The following CAMK2D variants were observed in gnomAD, a reference collection of about 807,000 sequenced individuals.
The protein encoded by CAMK2D is calcium/calmodulin-dependent protein kinase type II subunit delta.
In CAMK2D, 37 loss-of-function variants were observed where a neutral mutation model predicts 84.0. That is an observed-to-expected ratio of 0.44 (90% confidence interval 0.34 to 0.58). CAMK2D has a LOEUF of 0.58. Among genes scored for constraint, CAMK2D ranks in the 20% least tolerant of loss-of-function variants. CAMK2D has a pLI of 0.02. For missense variants in CAMK2D, 448 were observed against 652.5 expected, an observed-to-expected ratio of 0.69 and a Z score of 3.41; for synonymous variants, 202 against 212.5, an observed-to-expected ratio of 0.95 and a Z score of 0.43.
intron 8 of CAMK2D, among the ~76,000 whole-genome samples, chr4:113,518,774 G>C (rs1311018779): frequency 1.3e-5 from 2 of 152,086 alleles, no homozygotes; most frequent in Non-Finnish European, 2.9e-5. Context: ...ATCTATCCCT[G>C]CTCCTGTCCA....
At chr4:113,535,453 T>C (rs898848551) in intron 7 of CAMK2D, among the ~76,000 whole-genome samples, 3 of 152,162 alleles carry the variant, frequency 2.0e-5, no homozygotes, top group East Asian at 1.9e-4. Flanking sequence ...CTTCTATACT[T>C]CTACTGGAAT....
intron 3 of CAMK2D, among the ~76,000 whole-genome samples, chr4:113,656,836 T>A (rs2099203013): frequency 6.6e-6 from 1 of 152,130 alleles, no homozygotes; most frequent in Non-Finnish European, 1.5e-5. Context: ...ACCAAGACTC[T>A]CTCCCTAACC....
intron 3 of CAMK2D, among the ~76,000 whole-genome samples, chr4:113,610,428 T>C (rs986230731): frequency 6.6e-6 from 1 of 152,204 alleles, no homozygotes; most frequent in Admixed American, 6.5e-5. Flanking sequence ...AATGTGAATT[T>C]ATAAGAACAT....
chr4:113,745,189 G>A (rs943578991), intron 2 of CAMK2D, among the ~76,000 whole-genome samples: 4 of 152,118 alleles, frequency 2.6e-5, no homozygotes, highest in African/African-American at 9.7e-5. Context: ...CTACCTTTAC[G>A]TGTTTTTAAC....
At chr4:113,457,079 AGATTTT>A (rs1459152020) in intron 19 of CAMK2D, 2 of 750,264 alleles carry the variant, frequency 2.7e-6, no homozygotes, top group East Asian at 7.4e-5. Flanking sequence ...TAACCCTGTG[AGATTTT>A]GATCACGTAG....
rs775220710 is a variant in CAMK2D at position 113,460,259 on chromosome 4, T to C, written c.1212-18A>G. On this transcript the variant is annotated intron_variant, in intron 17 of 20. Coordinates refer to ENST00000511664, the MANE Select transcript of CAMK2D (RefSeq NM_001321571.2). ...AGATTTTTCTGTAAAAGAAAAATAA[T>C]GAAAACAACCAATTAATAGGTGCTT... 7.3e-7 allele frequency: 1 copy of C among 1,361,914 alleles called. No homozygotes were observed. The highest frequency in any genetic ancestry group is 1.0e-6 in the Non-Finnish European group (1 of 955,622). The allele number at this position is 1,361,914 out of a possible 1,614,324, so 84.4% of individuals were successfully genotyped here.
chr4:113,581,981 TTC>T (rs1334580736), intron 4 of CAMK2D, among the ~76,000 whole-genome samples: 1 of 152,178 alleles, frequency 6.6e-6, no homozygotes, highest in Non-Finnish European at 1.5e-5. Flanking sequence ...GGCTCAATGA[TTC>T]TCTGTCTGCC....
chr4:113,596,882 T>C (rs182729380), intron 4 of CAMK2D, among the ~76,000 whole-genome samples: 5 of 151,704 alleles, frequency 3.3e-5, no homozygotes, highest in Admixed American at 3.3e-4. Flanking sequence ...TGCAGTGGCA[T>C]GATCTCAGCT....
At chr4:113,735,364 A>G (rs2148843081) in intron 2 of CAMK2D, among the ~76,000 whole-genome samples, 1 of 148,106 alleles carries the variant, frequency 6.8e-6, no homozygotes, top group East Asian at 2.0e-4. Context: ...GGTCACAGCT[A>G]CTTGGGAGGC....
At chr4:113,659,934 G>C (rs927619044) in intron 3 of CAMK2D, among the ~76,000 whole-genome samples, 5 of 152,094 alleles carry the variant, frequency 3.3e-5, no homozygotes, top group Admixed American at 2.0e-4. Flanking sequence ...TGATATAGGT[G>C]AATTTGCCAG....
At chr4:113,542,865 T>C (rs1262319800) in intron 6 of CAMK2D, among the ~76,000 whole-genome samples, 3 of 152,152 alleles carry the variant, frequency 2.0e-5, no homozygotes, top group Non-Finnish European at 4.4e-5. Context: ...TTAAAATCTC[T>C]CTCTTTCTCT....
chr4:113,519,109 A>G (rs1240693885), intron 8 of CAMK2D, among the ~76,000 whole-genome samples: 2 of 152,172 alleles, frequency 1.3e-5, no homozygotes, highest in East Asian at 3.8e-4. Flanking sequence ...AAGTAGAAAA[A>G]AAGCTGTACC....
intron 2 of CAMK2D, among the ~76,000 whole-genome samples, chr4:113,719,062 GATAAAC>G (rs1364105090): frequency 6.6e-6 from 1 of 152,058 alleles, no homozygotes; most frequent in African/African-American, 2.4e-5. Context: ...GTAAATTCAA[GATAAAC>G]ATAAACTGTT....
intron 6 of CAMK2D, among the ~76,000 whole-genome samples, chr4:113,540,414 C>A (rs1560820161): frequency 6.6e-6 from 1 of 152,148 alleles, no homozygotes; most frequent in Non-Finnish European, 1.5e-5. Context: ...CAGGTGAGAT[C>A]AGAAACCCAG....
chr4:113,563,812 A>G (rs2098709952), intron 4 of CAMK2D, among the ~76,000 whole-genome samples: 1 of 152,230 alleles, frequency 6.6e-6, no homozygotes, highest in Non-Finnish European at 1.5e-5. Context: ...AGTACAAATA[A>G]ACAACTTCGG....
intron 3 of CAMK2D, among the ~76,000 whole-genome samples, chr4:113,632,087 C>T (rs2099091977): frequency 6.6e-6 from 1 of 152,154 alleles, no homozygotes; most frequent in African/African-American, 2.4e-5. Context: ...TACTTGCTAT[C>T]ACTTATTATA....
intron 7 of CAMK2D, 113 bp downstream of exon 7, chr4:113,537,228 A>G: frequency 1.7e-6 from 1 of 577,962 alleles, no homozygotes; most frequent in Non-Finnish European, 3.1e-6. Context: ...AAATTAGTCA[A>G]ATTGTTATTA....
chr4:113,749,492 T>A (rs2099612283), intron 2 of CAMK2D, among the ~76,000 whole-genome samples: 1 of 152,218 alleles, frequency 6.6e-6, no homozygotes, highest in Admixed American at 6.5e-5. Context: ...ACATCCATGA[T>A]ATGTATATCT....
chr4:113,471,392 T>A (rs1171489617), intron 16 of CAMK2D, among the ~76,000 whole-genome samples: 3 of 152,182 alleles, frequency 2.0e-5, no homozygotes, highest in Non-Finnish European at 4.4e-5. Context: ...TAAATCTTTC[T>A]AGGCTCCATG....
Sources: allele counts gnomAD v4.1 joint callset (sites outside exome capture counted in the v4.1 genomes callset), GRCh38; gene constraint gnomAD v4.1.1; transcripts MANE v1.5; gene names NCBI Gene and HGNC (gene_info 2026-07-23, HGNC 2026-07-21).